Variants in SLC45A4 observed in about 807,000 individuals in gnomAD.
SLC45A4 encodes the protein solute carrier family 45 member 4.
A neutral mutation model predicts 63.7 loss-of-function variants in SLC45A4; 32 were observed. That is an observed-to-expected ratio of 0.50 (90% CI 0.38 to 0.67). SLC45A4 has a LOEUF of 0.67. Ranked by LOEUF, SLC45A4 falls within the 30% of genes least tolerant of loss-of-function variation. The pLI, the probability that SLC45A4 is intolerant of heterozygous loss-of-function variation, is 0.00. For missense variants in SLC45A4, 1,027 were observed against 1,157.7 expected, an observed-to-expected ratio of 0.89 and a Z score of 1.64; for synonymous variants, 535 against 510.0, an observed-to-expected ratio of 1.05 and a Z score of -0.66.
At chr8:141,217,328 CA>C in intron 5 of SLC45A4, 139 bp from the exon 6 acceptor site, 2 of 824,236 alleles carry the variant, frequency 2.4e-6, no homozygotes, top group Non-Finnish European at 3.8e-6. Flanking sequence ...GAGGAGAGCC[CA>C]GCCCAAGTCG....
At chr8:141,251,129 G>T (rs1399509400) in intron 2 of SLC45A4, among the ~76,000 whole-genome samples, 1 of 152,170 alleles carries the variant, frequency 6.6e-6, no homozygotes, top group Non-Finnish European at 1.5e-5. Context: ...CTGAAGGATG[G>T]TGCCCAATTG....
intron 2 of SLC45A4, among the ~76,000 whole-genome samples, chr8:141,233,224 C>T (rs981756699): frequency 2.0e-5 from 3 of 152,208 alleles, no homozygotes; most frequent in African/African-American, 4.8e-5. Context: ...AGCTGGGCTG[C>T]AGACATTCGT....
intron 1 of SLC45A4, among the ~76,000 whole-genome samples, chr8:141,288,804 G>C (rs1298017597): frequency 2.0e-5 from 3 of 152,262 alleles, no homozygotes; most frequent in African/African-American, 7.2e-5. Context: ...GCTGGGTTGG[G>C]AAAGATGACA....
chr8:141,293,092 G>A (rs1048996615), intron 1 of SLC45A4, among the ~76,000 whole-genome samples: 1 of 152,152 alleles, frequency 6.6e-6, no homozygotes, highest in African/African-American at 2.4e-5. Flanking sequence ...TGGATGCGTG[G>A]GCCTACGTAA....
At chr8:141,213,352 G>C (rs540848305) in intron 7 of SLC45A4, among the ~76,000 whole-genome samples, 1 of 152,326 alleles carries the variant, frequency 6.6e-6, no homozygotes, top group African/African-American at 2.4e-5. Context: ...GGAAGCCTCA[G>C]CTAACTGTAA....
chr8:141,299,410 C>T (rs1326654309), intron 1 of SLC45A4, among the ~76,000 whole-genome samples: 1 of 152,262 alleles, frequency 6.6e-6, no homozygotes, highest in African/African-American at 2.4e-5. Flanking sequence ...TAGGGAGACA[C>T]CTGTCACACT....
intron 2 of SLC45A4, chr8:141,228,230 G>T (rs1423547354): frequency 6.2e-7 from 1 of 1,614,076 alleles, no homozygotes; most frequent in Non-Finnish European, 8.5e-7. Flanking sequence ...AGGGTCTTTG[G>T]ACGGGACAGC....
intron 1 of SLC45A4, among the ~76,000 whole-genome samples, chr8:141,283,992 G>A (rs948530969): frequency 6.6e-6 from 1 of 152,196 alleles, no homozygotes; most frequent in South Asian, 2.1e-4. Flanking sequence ...AGCCTGAGAC[G>A]CAAAGTCTTC....
chr8:141,255,750 AC>A (rs1438712135), intron 1 of SLC45A4, among the ~76,000 whole-genome samples: 2 of 147,326 alleles, frequency 1.4e-5, no homozygotes, highest in Non-Finnish European at 3.0e-5. Context: ...AACAAAAAAA[AC>A]AAAAAGAAAA....
intron 1 of SLC45A4, among the ~76,000 whole-genome samples, chr8:141,294,654 C>T (rs552942263): frequency 2.1e-4 from 32 of 152,364 alleles, no homozygotes; most frequent in African/African-American, 6.3e-4. Context: ...ACCCACGTCC[C>T]GGGGAACCCA....
chr8:141,238,407 C>T (rs7014941), intron 2 of SLC45A4, among the ~76,000 whole-genome samples: 3,937 of 152,280 alleles, frequency 0.026, 158 homozygotes, highest in African/African-American at 0.089. Context: ...GCAACCATCA[C>T]CACTCACCCC....
Position 141,211,340 on chromosome 8 carries a change from C to T in SLC45A4, c.*232G>A, listed in dbSNP as rs1046504304. On this transcript the variant is annotated 3_prime_UTR_variant, in exon 9 of 9. Transcript: ENST00000517878. The stretch of plus-strand genomic sequence containing the variant: ...GGGGTCACATGGCTGGGCGCAGACA[C>T]ACTCACACGCGCACGCAGGAGCTCG... The T allele has an allele frequency of 7.4e-7, 1 of 1,343,656 alleles. No homozygotes were observed. Among genetic ancestry groups the T allele is most frequent in the Non-Finnish European group, 1.0e-6 (1 of 999,466 alleles). 83.2% of individuals were successfully genotyped at this position (1,343,656 alleles called of 1,614,324 possible). A position where few individuals can be genotyped will look rare whatever the true frequency, so the allele number is the denominator to read the frequency against.
intron 1 of SLC45A4, among the ~76,000 whole-genome samples, chr8:141,297,868 A>G (rs1830615556): frequency 1.3e-5 from 2 of 150,940 alleles, no homozygotes; most frequent in Admixed American, 6.6e-5. Context: ...CATTTCAGGA[A>G]AAGTTAGCAA....
chr8:141,240,637 G>A (rs2154614471), intron 2 of SLC45A4, among the ~76,000 whole-genome samples: 1 of 152,312 alleles, frequency 6.6e-6, no homozygotes, highest in South Asian at 2.1e-4. Flanking sequence ...ACTTGGGGAG[G>A]TTGAGGTGAA....
At chr8:141,284,964 T>C (rs1830084219) in intron 1 of SLC45A4, among the ~76,000 whole-genome samples, 1 of 151,026 alleles carries the variant, frequency 6.6e-6, no homozygotes, top group Admixed American at 6.6e-5. Context: ...ACACCCCGAC[T>C]CCCTGGGGCC....
intron 2 of SLC45A4, among the ~76,000 whole-genome samples, chr8:141,240,552 C>G (rs9644538): frequency 0.13 from 19,806 of 152,204 alleles, 1,636 homozygotes; most frequent in East Asian, 0.28. Flanking sequence ...CCAGAGCAGC[C>G]TGGTTCCACA....
chr8:141,289,204 G>A (rs796668186), intron 1 of SLC45A4, among the ~76,000 whole-genome samples: 23 of 152,160 alleles, frequency 1.5e-4, no homozygotes, highest in African/African-American at 5.1e-4. Flanking sequence ...CGGGGATGGC[G>A]GGGGAGTGCA....
chr8:141,276,187 C>T (rs1436760196), intron 1 of SLC45A4, among the ~76,000 whole-genome samples: 1 of 152,172 alleles, frequency 6.6e-6, no homozygotes, highest in Non-Finnish European at 1.5e-5. Context: ...CAAGTGTGAG[C>T]CACCTTGCCT....
chr8:141,272,840 C>T (rs547393238), intron 1 of SLC45A4, among the ~76,000 whole-genome samples: 1 of 152,226 alleles, frequency 6.6e-6, no homozygotes, highest in Non-Finnish European at 1.5e-5. Context: ...CAGTGTATTT[C>T]AACAGGCAAA....
Sources: allele counts gnomAD v4.1 joint callset (sites outside exome capture counted in the v4.1 genomes callset), GRCh38; gene constraint gnomAD v4.1.1; transcripts MANE v1.5; gene names NCBI Gene and HGNC (gene_info 2026-07-23, HGNC 2026-07-21).